KIAA1217: variants seen among roughly 807,000 people sequenced by gnomAD.
KIAA1217 encodes the protein sickle tail protein homolog.
In KIAA1217, 88 loss-of-function variants were observed where a neutral mutation model predicts 163.9. That is an observed-to-expected ratio of 0.54 (90% CI 0.45 to 0.64). KIAA1217 has a LOEUF of 0.64. Ranked by LOEUF, KIAA1217 falls within the 30% of genes least tolerant of loss-of-function variation. The probability of loss-of-function intolerance (pLI) is 0.00; values close to 1 mark genes in which losing one functional copy is unlikely to be tolerated. For missense variants in KIAA1217, 2,372 were observed against 2,475.0 expected, an observed-to-expected ratio of 0.96 and a Z score of 0.88; for synonymous variants, 903 against 923.1, an observed-to-expected ratio of 0.98 and a Z score of 0.39.
At chr10:24,479,252 T>C (rs2064373427) in intron 6 of KIAA1217, among the ~76,000 whole-genome samples, 1 of 152,170 alleles carries the variant, frequency 6.6e-6, no homozygotes, top group Non-Finnish European at 1.5e-5. Flanking sequence ...TGTTACTATG[T>C]TGGTAACTTT....
rs80183708 is a variant in KIAA1217, at chr10:23,821,917, A to G, written c.-321+126683A>G. Among the ~76,000 whole-genome samples, 799 of 152,244 alleles carry G rather than the reference A, an allele frequency of 5.2e-3. 6 individuals are homozygous for G. Among genetic ancestry groups the G allele is most frequent in the African/African-American group, 0.019 (773 of 41,552 alleles). On this transcript the variant is annotated intron_variant, in intron 1 of 18. Transcript: ENST00000376462. ...CCAAACCCTTGGGGCCTAAGCCACC[A>G]AAGGAGGTACTTCTCCCACTGCATG...
intron 2 of KIAA1217, among the ~76,000 whole-genome samples, chr10:24,175,637 G>A (rs768059866): frequency 2.0e-4 from 30 of 152,070 alleles, no homozygotes; most frequent in Non-Finnish European, 3.2e-4. Flanking sequence ...GGACCCTCGC[G>A]GTGAGTGTTA....
At chr10:23,996,855 G>A (rs771384926) in intron 1 of KIAA1217, among the ~76,000 whole-genome samples, 4 of 152,074 alleles carry the variant, frequency 2.6e-5, no homozygotes, top group African/African-American at 4.8e-5. Context: ...CTTGTATTGC[G>A]GAAACTCCAA....
intron 2 of KIAA1217, among the ~76,000 whole-genome samples, chr10:24,230,658 C>G (rs1429944616): frequency 1.3e-5 from 2 of 151,786 alleles, no homozygotes; most frequent in Non-Finnish European, 2.9e-5. Context: ...ATTACAGGTG[C>G]CTGCAACCAC....
At chr10:23,976,535 T>C (rs1845549002) in intron 1 of KIAA1217, among the ~76,000 whole-genome samples, 1 of 152,196 alleles carries the variant, frequency 6.6e-6, no homozygotes, top group Non-Finnish European at 1.5e-5. Flanking sequence ...ATATTTTGTA[T>C]ACAAGACGAT....
Position 24,326,845 on chromosome 10 carries a change from AT to A in KIAA1217, c.355-54020del, listed in dbSNP as rs993263740. ...AAGGTACAACTGGAAATAGGATGGC[AT>A]TTTAATGATAATTAGGGAAACGAAT... On this transcript the variant is annotated intron_variant, in intron 2 of 20. Transcript: ENST00000376454. Among the ~76,000 whole-genome samples, 39 of 152,182 alleles carry A rather than the reference AT, an allele frequency of 2.6e-4. 1 individual carries two copies. The highest frequency in any genetic ancestry group is 4.4e-5 in the Non-Finnish European group (3 of 68,028).
intron 2 of KIAA1217, among the ~76,000 whole-genome samples, chr10:24,009,081 T>A (rs1564607465): frequency 6.6e-6 from 1 of 152,302 alleles, no homozygotes; most frequent in East Asian, 1.9e-4. Context: ...CTTGTGACTG[T>A]TTTGTTGCCT....
intron 3 of KIAA1217, among the ~76,000 whole-genome samples, chr10:24,401,240 G>T (rs1166954611): frequency 6.6e-6 from 1 of 151,184 alleles, no homozygotes; most frequent in African/African-American, 2.4e-5. Context: ...GAGAGTGAGG[G>T]CAAAAAGAGC....
intron 1 of KIAA1217, among the ~76,000 whole-genome samples, chr10:23,818,115 A>G (rs1400994759): frequency 7.1e-6 from 1 of 141,810 alleles, no homozygotes; most frequent in Non-Finnish European, 1.5e-5. Context: ...ACACACATAT[A>G]TATATATACT....
At chr10:23,737,666 A>C (rs188954496) in intron 1 of KIAA1217, among the ~76,000 whole-genome samples, 610 of 152,326 alleles carry the variant, frequency 4.0e-3, no homozygotes, top group African/African-American at 0.013. Context: ...ATATTAAAAA[A>C]GATGAAATTT....
intron 2 of KIAA1217, among the ~76,000 whole-genome samples, chr10:24,331,224 T>TG (rs1408179001): frequency 6.6e-6 from 1 of 152,186 alleles, no homozygotes; most frequent in Non-Finnish European, 1.5e-5. Flanking sequence ...ATTACAGGCA[T>TG]GAGCCACCAT....
intron 5 of KIAA1217, among the ~76,000 whole-genome samples, chr10:24,472,235 G>A (rs1033707611): frequency 6.6e-6 from 1 of 152,120 alleles, no homozygotes; most frequent in African/African-American, 2.4e-5. Context: ...GGGGAGGGAG[G>A]ATATCTGTGT....
intron 3 of KIAA1217, among the ~76,000 whole-genome samples, chr10:24,396,306 C>T (rs1591586575): frequency 6.6e-6 from 1 of 152,008 alleles, no homozygotes; most frequent in East Asian, 1.9e-4. Context: ...CATTGCACTC[C>T]AGCCTGGGCG....
Position 24,273,302 on chromosome 10 carries a change from T to A in KIAA1217, c.354+53393T>A, listed in dbSNP as rs374985681. 1.2e-4 allele frequency among the ~76,000 whole-genome samples: 19 copies of A among 152,302 alleles called. 1 individual carries two copies. Among genetic ancestry groups the A allele is most frequent in the Admixed American group, 1.0e-3 (16 of 15,294 alleles). On this transcript the variant is annotated intron_variant, in intron 2 of 20. Transcript: ENST00000376454. ...AGAGCATTTGAACAATAAGCATAGATTAAGTACTCCTCTTTCCTTCATTCC... is the reference window on the plus strand; with the variant it reads ...AGAGCATTTGAACAATAAGCATAGAATAAGTACTCCTCTTTCCTTCATTCC...
intron 1 of KIAA1217, among the ~76,000 whole-genome samples, chr10:23,964,718 G>A (rs1844982981): frequency 6.6e-6 from 1 of 151,936 alleles, no homozygotes; most frequent in African/African-American, 2.4e-5. Flanking sequence ...ACCACGCCCA[G>A]CTAATTTTTG....
chr10:24,543,929 T>A lies in KIAA1217; in HGVS notation c.4659T>A (p.Asn1553Lys). Residue 1553 changes from asparagine (N) to lysine (K), a missense_variant, in exon 19 of 21, where the codon AAT becomes AAA. Asn to Lys is a moderately conservative substitution (Grantham distance 94). Coordinates refer to ENST00000376454, the MANE Select transcript of KIAA1217 (RefSeq NM_019590.5). ...AGTTCAGCCACGTGGATTCTCCAAA[T>A]TCGGAATGCAAGGGTGAGGACGCGA... ...LNKFSHVDSP[N>K]SECKGEDATD... 1 of 1,613,798 alleles carries A rather than the reference T, an allele frequency of 6.2e-7. No individual in the cohort carries two copies. Among genetic ancestry groups the A allele is most frequent in the East Asian group, 2.2e-5 (1 of 44,844 alleles).
intron 1 of KIAA1217, among the ~76,000 whole-genome samples, chr10:23,739,485 G>A (rs1214723970): frequency 1.3e-5 from 2 of 152,194 alleles, no homozygotes; most frequent in African/African-American, 4.8e-5. Flanking sequence ...TGTCAGTTGT[G>A]TATGTTTCAT....
chr10:24,295,671 G>A (rs1247156614), intron 2 of KIAA1217, among the ~76,000 whole-genome samples: 2 of 152,110 alleles, frequency 1.3e-5, no homozygotes, highest in Non-Finnish European at 2.9e-5. Flanking sequence ...TTCCCTCCTG[G>A]TGGAACTTCT....
intron 2 of KIAA1217, among the ~76,000 whole-genome samples, chr10:24,116,240 A>G (rs183624350): frequency 6.6e-6 from 1 of 152,214 alleles, no homozygotes; most frequent in African/African-American, 2.4e-5. Context: ...TTATCTATGA[A>G]TACAATTATG....
Sources: allele counts gnomAD v4.1 joint callset (sites outside exome capture counted in the v4.1 genomes callset), GRCh38; gene constraint gnomAD v4.1.1; transcripts MANE v1.5; gene names NCBI Gene and HGNC (gene_info 2026-07-23, HGNC 2026-07-21).